ADAM12: variants seen among roughly 807,000 people sequenced by gnomAD.
ADAM12 encodes the protein ADAM metallopeptidase domain 12.
ADAM12 carries 70 observed loss-of-function variants against 106.4 expected under a neutral mutation model. The ratio of observed to expected loss-of-function variants is 0.66; its 90% CI spans 0.54 to 0.80. The LOEUF (loss-of-function observed/expected upper bound fraction) is 0.80, where lower values mean the gene tolerates loss of function less well. Ranked by LOEUF, ADAM12 falls within the 30% of genes least tolerant of loss-of-function variation. ADAM12 has a pLI of 0.00. For synonymous variants in ADAM12, 420 were observed against 433.5 expected, an observed-to-expected ratio of 0.97 and a Z score of 0.39; for missense variants, 1,010 against 1,171.9, an observed-to-expected ratio of 0.86 and a Z score of 2.02.
At chr10:126,192,956 T>G (rs1289594883) in intron 3 of ADAM12, among the ~76,000 whole-genome samples, 1 of 152,216 alleles carries the variant, frequency 6.6e-6, no homozygotes, top group Non-Finnish European at 1.5e-5. Context: ...GGATTTTTAA[T>G]TTTTTAATCT....
intron 2 of ADAM12, among the ~76,000 whole-genome samples, chr10:126,296,580 T>C (rs1433069134): frequency 2.0e-5 from 3 of 152,220 alleles, no homozygotes; most frequent in African/African-American, 7.2e-5. Flanking sequence ...CAGACCAGCC[T>C]CTTTCTATAT....
At chr10:126,023,958 G>C (rs1953819207) in intron 21 of ADAM12, among the ~76,000 whole-genome samples, 1 of 150,846 alleles carries the variant, frequency 6.6e-6, no homozygotes, top group Non-Finnish European at 1.5e-5. Context: ...AGTGAGAAGT[G>C]ATAGAAACTT....
chr10:126,150,687 C>A (rs1419314188), intron 4 of ADAM12, among the ~76,000 whole-genome samples: 2 of 152,142 alleles, frequency 1.3e-5, no homozygotes, highest in South Asian at 2.1e-4. Context: ...CTACAATGGG[C>A]CCATAAGAAA....
At chr10:126,182,095 A>G (rs1957322577) in intron 3 of ADAM12, among the ~76,000 whole-genome samples, 1 of 152,226 alleles carries the variant, frequency 6.6e-6, no homozygotes, top group Admixed American at 6.5e-5. Context: ...CCAGGAAGTA[A>G]CCACTGACGT....
chr10:126,370,827 T>C (rs1258183944), intron 1 of ADAM12, among the ~76,000 whole-genome samples: 1 of 152,184 alleles, frequency 6.6e-6, no homozygotes, highest in Non-Finnish European at 1.5e-5. Flanking sequence ...CTCAGCCTCT[T>C]ATAAGATGCA....
intron 1 of ADAM12, among the ~76,000 whole-genome samples, chr10:126,369,706 A>G (rs1856044757): frequency 1.3e-5 from 2 of 152,148 alleles, no homozygotes; most frequent in Admixed American, 6.5e-5. Flanking sequence ...CTGAAAACAG[A>G]CGCTTTCACC....
At chr10:126,156,357 C>A (rs1257130474) in intron 3 of ADAM12, among the ~76,000 whole-genome samples, 1 of 152,216 alleles carries the variant, frequency 6.6e-6, no homozygotes, top group Non-Finnish European at 1.5e-5. Context: ...ATATCCTCTC[C>A]ATTTACATAG....
chr10:126,058,819 T>G (rs1458167876), intron 14 of ADAM12, among the ~76,000 whole-genome samples: 1 of 152,230 alleles, frequency 6.6e-6, no homozygotes, highest in East Asian at 1.9e-4. Context: ...TGCAAATGAC[T>G]TCTATCCACT....
intron 3 of ADAM12, chr10:126,273,033 G>A (rs7095359): frequency 0.73 from 111,610 of 153,840 alleles, 41,265 homozygotes; most frequent in Non-Finnish European, 0.8. Context: ...TGGCTTTTAC[G>A]ACTTTTGATC....
intron 3 of ADAM12, among the ~76,000 whole-genome samples, chr10:126,246,017 ATGG>A (rs905160129): frequency 6.6e-6 from 1 of 152,198 alleles, no homozygotes; most frequent in African/African-American, 2.4e-5. Flanking sequence ...CTTTTAAAAA[ATGG>A]TGGAGACATC....
chr10:126,147,082 C>T, intron 4 of ADAM12, among the ~76,000 whole-genome samples: 1 of 152,196 alleles, frequency 6.6e-6, no homozygotes, highest in East Asian at 1.9e-4. Context: ...ACACTTTTGG[C>T]CAAAATATTA....
Position 126,049,812 on chromosome 10 carries a change from C to A in ADAM12, c.1610-143G>T, listed in dbSNP as rs908246722. The A allele has an allele frequency of 4.1e-6, 3 of 723,706 alleles. No homozygotes were observed. The highest frequency in any genetic ancestry group is 4.5e-6 in the Non-Finnish European group (2 of 443,710). The allele number at this position is 723,706 out of a possible 1,614,324, so 44.8% of individuals were successfully genotyped here. ...TGTCCCGACTCATGGTGGGAGCTGG[C>A]CAGGGGAAGCCTAGGGTGTCAGCAG... is the stretch of plus-strand genomic sequence containing the variant. On this transcript the variant is annotated intron_variant, in intron 14 of 22. Coordinates refer to ENST00000448723, the MANE Select transcript of ADAM12 (RefSeq NM_001288973.2). The surrounding 1 kb of genome is among the most constrained non-coding windows in gnomAD (Gnocchi z 4.4).
intron 2 of ADAM12, among the ~76,000 whole-genome samples, chr10:126,312,787 C>A (rs1053141515): frequency 1.3e-5 from 2 of 152,068 alleles, no homozygotes; most frequent in Non-Finnish European, 2.9e-5. Flanking sequence ...GCCGTCAAAC[C>A]CGGGGACATC....
At chr10:126,359,318 T>C (rs1285434632) in intron 1 of ADAM12, among the ~76,000 whole-genome samples, 1 of 152,124 alleles carries the variant, frequency 6.6e-6, no homozygotes, top group Admixed American at 6.5e-5. Flanking sequence ...CCCCAAAGTC[T>C]TAACTCATTA....
intron 6 of ADAM12, among the ~76,000 whole-genome samples, chr10:126,117,766 C>G (rs1278393): frequency 0.6 from 68,573 of 114,532 alleles, 21,598 homozygotes; most frequent in African/African-American, 0.79. Flanking sequence ...GTTGGGGGGG[C>G]GTAATTTTGT....
chr10:126,243,482 TGA>T (rs1445557835), intron 3 of ADAM12, among the ~76,000 whole-genome samples: 49 of 94,812 alleles, frequency 5.2e-4, no homozygotes, highest in African/African-American at 1.5e-3. Flanking sequence ...TCTGTGTGTG[TGA>T]GTGTATGTGT....
intron 11 of ADAM12, among the ~76,000 whole-genome samples, chr10:126,089,720 C>A (rs1345672823): frequency 6.6e-6 from 1 of 152,128 alleles, no homozygotes; most frequent in African/African-American, 2.4e-5. Flanking sequence ...CTCCAGCCCC[C>A]CACAGCCCCA....
chr10:126,288,884 AC>A (rs903169127), intron 2 of ADAM12, among the ~76,000 whole-genome samples: 1 of 143,412 alleles, frequency 7.0e-6, no homozygotes, highest in African/African-American at 2.6e-5. Flanking sequence ...TAATATAGTT[AC>A]CCCTAAGGAC....
chr10:126,330,426 T>C lies in ADAM12; in HGVS notation c.172A>G (p.Ser58Gly). The C allele has an allele frequency of 6.2e-7, 1 of 1,612,996 alleles. No individual in the cohort carries two copies. Among genetic ancestry groups the C allele is most frequent in the Non-Finnish European group, 8.5e-7 (1 of 1,179,752 alleles). ...GAGGAACTCACCTTGGAGTCGAAGC[T>C]CTTCACTGGGATCCAGAGGTCCCCA... ...GSGDLWIPVK[S>G]FDSKNHPEVL... The change falls in exon 2 of 23, where the codon AGC (serine) becomes GGC (glycine). Residue 58 changes from serine (S) to glycine (G), a missense_variant. Around this residue, in one of 3 missense-constraint regions of ADAM12, gnomAD observed 391 missense variants for 442.9 expected, o/e 0.88. Coordinates refer to ENST00000448723, the MANE Select transcript of ADAM12 (RefSeq NM_001288973.2).
Sources: allele counts gnomAD v4.1 joint callset (sites outside exome capture counted in the v4.1 genomes callset), GRCh38; gene constraint gnomAD v4.1.1; regional missense constraint gnomAD v4.1.1; non-coding constraint Gnocchi (gnomAD v3.1); transcripts MANE v1.5; gene names NCBI Gene and HGNC (gene_info 2026-07-23, HGNC 2026-07-21).